Variants in MYO5C observed in about 807,000 individuals in gnomAD.
The protein encoded by MYO5C is unconventional myosin-Vc.
Under a neutral mutation model 235.7 loss-of-function variants are expected in MYO5C, and 194 were observed. The ratio of observed to expected loss-of-function variants is 0.82; its 90% CI spans 0.73 to 0.93. MYO5C has a LOEUF of 0.93. Among genes scored for constraint, MYO5C ranks in the 40% least tolerant of loss-of-function variants. The pLI is 0.00. For synonymous variants in MYO5C, 707 were observed against 754.8 expected (o/e 0.94, Z 1.04); for missense variants, 2,038 against 2,127.2 (o/e 0.96, Z 0.82).
intron 13 of MYO5C, among the ~76,000 whole-genome samples, chr15:52,250,560 A>G (rs1447788853): frequency 3.9e-5 from 6 of 152,074 alleles, no homozygotes; most frequent in African/African-American, 1.4e-4. Context: ...ATATTTTAAT[A>G]TTTTACAGTA....
intron 19 of MYO5C, 84 bp downstream of exon 19, chr15:52,244,271 CT>C (rs937679859): frequency 3.8e-5 from 53 of 1,387,244 alleles, no homozygotes; most frequent in Non-Finnish European, 5.1e-5. Flanking sequence ...AGAAAGGTCC[CT>C]TGTCCTTGAT....
intron 24 of MYO5C, among the ~76,000 whole-genome samples, chr15:52,232,137 A>C (rs2035964943): frequency 1.1e-5 from 1 of 89,866 alleles, no homozygotes; most frequent in African/African-American, 3.0e-5. Flanking sequence ...AAGAAAGAAA[A>C]GGAGAGGAAG....
chr15:52,226,877 G>T (rs1438696712), intron 25 of MYO5C, among the ~76,000 whole-genome samples: 1 of 152,202 alleles, frequency 6.6e-6, no homozygotes, highest in African/African-American at 2.4e-5. Flanking sequence ...GCTGGGCACG[G>T]TGGCTCACGC....
chr15:52,208,133 T>G (rs537772993), intron 36 of MYO5C, among the ~76,000 whole-genome samples: 2 of 152,312 alleles, frequency 1.3e-5, no homozygotes, highest in South Asian at 2.1e-4. Flanking sequence ...GGTGGAGAAC[T>G]CTTTCATGAC....
At chr15:52,240,072 ACT>A (rs2036178605) in intron 20 of MYO5C, among the ~76,000 whole-genome samples, 193 bp from the exon 21 acceptor site, 1 of 152,138 alleles carries the variant, frequency 6.6e-6, no homozygotes, top group Admixed American at 6.6e-5. Flanking sequence ...ATGAACAGAC[ACT>A]CTCATTCTAG....
intron 22 of MYO5C, chr15:52,236,861 G>A (rs917636881): frequency 6.6e-6 from 1 of 152,170 alleles, no homozygotes; most frequent in Non-Finnish European, 1.5e-5. Flanking sequence ...TATATAGGAG[G>A]AAACTAAAAT....
chr15:52,251,641 T>TTTTATTTA lies in MYO5C; in HGVS notation c.1537-134_1537-127dup, dbSNP rs201403762. On this transcript the variant is annotated intron_variant, in intron 12 of 40. Transcript: ENST00000261839. ...AGTGAACTGCTCTCAATTAGAGGCT[T>TTTTATTTA]TTTATTTATTTATTTATTTATTTAT... is the stretch of plus-strand genomic sequence containing the variant. 1,819 of 324,058 alleles carry TTTTATTTA rather than the reference T, an allele frequency of 5.6e-3. 15 individuals are homozygous for TTTTATTTA. The highest frequency in any genetic ancestry group is 6.8e-3 in the Non-Finnish European group (1,306 of 190,802). 20.1% of individuals were successfully genotyped at this position (324,058 alleles called of 1,614,324 possible). A position where few individuals can be genotyped will look rare whatever the true frequency, so the allele number is the denominator to read the frequency against.
intron 25 of MYO5C, 90 bp from the exon 26 acceptor site, chr15:52,225,622 G>T: frequency 1.2e-6 from 1 of 867,914 alleles, no homozygotes; most frequent in Non-Finnish European, 1.9e-6. Flanking sequence ...AGCGTTGCGT[G>T]TCTATGCAAG....
chr15:52,256,967 A>C (rs2036598008), intron 10 of MYO5C: 1 of 428,840 alleles, frequency 2.3e-6, no homozygotes, highest in Non-Finnish European at 4.2e-6. Flanking sequence ...CATTAAAATA[A>C]GCATGTCACC....
At chr15:52,221,284 T>C in intron 29 of MYO5C, 29 bp from the exon 30 acceptor site, 1 of 1,464,796 alleles carries the variant, frequency 6.8e-7, no homozygotes, top group Non-Finnish European at 9.3e-7. Context: ...AATATTAGAA[T>C]ATAAAATACT....
chr15:52,244,227 G>C, intron 19 of MYO5C, 129 bp downstream of exon 19: 1 of 809,392 alleles, frequency 1.2e-6, no homozygotes, highest in South Asian at 1.8e-5. Flanking sequence ...GACCACAAAG[G>C]GGACCCATGC....
rs770739834 is a variant in MYO5C, at chr15:52,253,368, G to A, written c.1485C>T (p.Asp495=). ...IDFYDNQPVI[D]LIEAKMGILE... is the part of the protein sequence containing the mutation. ...GAATTCCCATTTTTGCTTCAATCAG[G>A]TCAATAACTGGTTGATTGTCATAAA... Residue 495 remains aspartate (D), a synonymous_variant, in exon 12 of 41, where the codon GAC becomes GAT. Transcript: ENST00000261839. 1 of 1,613,134 alleles carries A rather than the reference G, an allele frequency of 6.2e-7. No homozygotes were observed. The highest frequency in any genetic ancestry group is 1.7e-5 in the Admixed American group (1 of 59,950).
chr15:52,282,751 C>A (rs966031349), intron 2 of MYO5C, 31 bp downstream of exon 2: 2 of 1,443,430 alleles, frequency 1.4e-6, no homozygotes, highest in Admixed American at 1.7e-5. Context: ...CTTTACACAT[C>A]GACGTAGCTG....
At chr15:52,252,026 G>A (rs2036483748) in intron 12 of MYO5C, among the ~76,000 whole-genome samples, 1 of 152,032 alleles carries the variant, frequency 6.6e-6, no homozygotes, top group Admixed American at 6.6e-5. Context: ...AATCTTTAGG[G>A]CACTTTAAAA....
intron 11 of MYO5C, among the ~76,000 whole-genome samples, chr15:52,255,380 T>C (rs1053961441): frequency 3.3e-5 from 5 of 152,260 alleles, no homozygotes; most frequent in South Asian, 2.1e-4. Context: ...GTTAGGGTAT[T>C]AAAGTGTGAT....
At chr15:52,238,117 CAG>C (rs1292125865) in intron 21 of MYO5C, among the ~76,000 whole-genome samples, 1 of 152,120 alleles carries the variant, frequency 6.6e-6, no homozygotes, top group Non-Finnish European at 1.5e-5. Context: ...CATGTGAAGA[CAG>C]AGGGAGGTGG....
Position 52,245,730 on chromosome 15 carries a change from G to A in MYO5C, c.2066+226C>T, listed in dbSNP as rs115188020. 5.2e-3 allele frequency among the ~76,000 whole-genome samples: 795 copies of A among 152,350 alleles called. 8 individuals are homozygous for A. Among genetic ancestry groups the A allele is most frequent in the African/African-American group, 0.019 (773 of 41,572 alleles). ...GGGGGAGGCGGTGGGGCCACCACCA[G>A]CAGCCGAGATGCAGTGATGGGGTGA... is the stretch of plus-strand genomic sequence containing the variant. On this transcript the variant is annotated intron_variant, in intron 17 of 40. Coordinates refer to ENST00000261839, the MANE Select transcript of MYO5C (RefSeq NM_018728.4).
chr15:52,245,840 G>C, intron 17 of MYO5C, 116 bp downstream of exon 17: 1 of 898,222 alleles, frequency 1.1e-6, no homozygotes, highest in Non-Finnish European at 1.8e-6. Flanking sequence ...AAATCTTGGG[G>C]GCACTTTACA....
intron 24 of MYO5C, among the ~76,000 whole-genome samples, chr15:52,232,288 G>A (rs202094887): frequency 1.5e-5 from 2 of 137,232 alleles, no homozygotes; most frequent in East Asian, 2.2e-4. Flanking sequence ...AAGGAGAGAA[G>A]GAAGGAAGGA....
Sources: allele counts gnomAD v4.1 joint callset (sites outside exome capture counted in the v4.1 genomes callset), GRCh38; gene constraint gnomAD v4.1.1; transcripts MANE v1.5; gene names NCBI Gene and HGNC (gene_info 2026-07-23, HGNC 2026-07-21).